Variants in STON1 observed in about 807,000 individuals in gnomAD.
STON1 encodes the protein stonin 1.
STON1 carries 79 observed loss-of-function variants against 60.9 expected under a neutral mutation model. The ratio of observed to expected loss-of-function variants is 1.30; its 90% CI spans 1.08 to 1.56. The LOEUF is 1.56. STON1 is among the 40% of genes most tolerant of loss of function. The probability of loss-of-function intolerance (pLI) is 0.00; values close to 1 mark genes in which losing one functional copy is unlikely to be tolerated. For synonymous variants in STON1, 363 were observed against 306.9 expected, an observed-to-expected ratio of 1.18 and a Z score of -1.91; for missense variants, 1,166 against 858.9, an observed-to-expected ratio of 1.36 and a Z score of -4.47.
Position 48,538,786 on chromosome 2 carries a change from TTTTA to T in STON1, c.-48+8572_-48+8575del, listed in dbSNP as rs1184774338. Among the ~76,000 whole-genome samples the T allele has an allele frequency of 4.6e-3, 682 of 148,962 alleles. 2 individuals carry two copies. The highest frequency in any genetic ancestry group is 0.016 in the African/African-American group (637 of 40,458). ...CTATTTTTTTTTTTTTTTTTTTTTT[TTTTA>T]TATTTTCTGTAGAGATGCAGTTTTG... On this transcript the variant is annotated intron_variant, in intron 1 of 3. Coordinates refer to ENST00000404752, the MANE Select transcript of STON1 (RefSeq NM_006873.4).
At chr2:48,592,517 C>T (rs908474281) in intron 3 of STON1, among the ~76,000 whole-genome samples, 13 of 151,240 alleles carry the variant, frequency 8.6e-5, no homozygotes, top group South Asian at 2.1e-4. Context: ...CTGCAACCTC[C>T]GCCTCCTGGG....
At chr2:48,543,212 T>C (rs1671729359) in intron 1 of STON1, among the ~76,000 whole-genome samples, 1 of 152,072 alleles carries the variant, frequency 6.6e-6, no homozygotes, top group Non-Finnish European at 1.5e-5. Flanking sequence ...TGACGTCAGG[T>C]GATCCGCCTG....
At chr2:48,583,134 G>A (rs748239674) in intron 2 of STON1, among the ~76,000 whole-genome samples, 10 of 152,158 alleles carry the variant, frequency 6.6e-5, no homozygotes, top group Non-Finnish European at 1.3e-4. Flanking sequence ...TGTCATCCAG[G>A]CTGGAGTGCA....
intron 2 of STON1, among the ~76,000 whole-genome samples, chr2:48,589,288 G>C (rs1461448047): frequency 6.6e-6 from 1 of 152,150 alleles, no homozygotes. Context: ...CTAGACCTAA[G>C]ATTTTGTGAT....
chr2:48,539,658 C>T (rs989430028), intron 1 of STON1, among the ~76,000 whole-genome samples: 2 of 152,052 alleles, frequency 1.3e-5, no homozygotes, highest in Non-Finnish European at 2.9e-5. Flanking sequence ...CATGCCAGCA[C>T]ACCAGGCTAA....
chr2:48,530,258 A>T (rs999630276), intron 1 of STON1, 42 bp downstream of exon 1: 2 of 346,742 alleles, frequency 5.8e-6, no homozygotes, highest in Non-Finnish European at 1.1e-5. Context: ...GAGGCCTGGG[A>T]CCCCCCCTCT....
In STON1 at chr2:48,581,314, C is replaced by A; in HGVS notation, c.681C>A (p.Asn227Lys). 1.3e-6 allele frequency: 2 copies of A among 1,530,024 alleles called. No homozygotes were observed. The highest frequency in any genetic ancestry group is 1.3e-5 in the South Asian group (1 of 75,660). The allele number at this position is 1,530,024 out of a possible 1,614,324, so 94.8% of individuals were successfully genotyped here. A position where few individuals can be genotyped will look rare whatever the true frequency, so the allele number is the denominator to read the frequency against. ...DQKSLNKCSL[N>K]YICEKLEHLQ... ...AAAGCCTAAATAAGTGTTCACTCAA[C>A]TATATCTGTGAGAAGCTTGAACATC... The change falls in exon 2 of 4, where the codon AAC (asparagine) becomes AAA (lysine). Residue 227 changes from asparagine to lysine, a missense_variant. Physicochemically the swap from Asn to Lys is moderately conservative, Grantham distance 94. Transcript: ENST00000404752.
chr2:48,565,015 G>C (rs946445044), intron 1 of STON1, among the ~76,000 whole-genome samples: 14 of 142,930 alleles, frequency 9.8e-5, no homozygotes, highest in Non-Finnish European at 1.7e-4. Flanking sequence ...TTACAGACGT[G>C]AGCCACTGTC....
intron 1 of STON1, among the ~76,000 whole-genome samples, chr2:48,558,735 T>G (rs981853462): frequency 2.0e-4 from 30 of 152,234 alleles, no homozygotes; most frequent in Non-Finnish European, 4.1e-4. Flanking sequence ...CTCAAGCAGA[T>G]GTCCCTTCCC....
intron 1 of STON1, among the ~76,000 whole-genome samples, chr2:48,555,273 G>A (rs1672277113): frequency 9.6e-6 from 1 of 103,682 alleles, no homozygotes; most frequent in African/African-American, 3.6e-5. Context: ...TGGCTGGGCA[G>A]AGGCGCCCCT....
At chr2:48,589,497 TG>T (rs1406081384) in intron 2 of STON1, among the ~76,000 whole-genome samples, 2 of 152,206 alleles carry the variant, frequency 1.3e-5, no homozygotes, top group African/African-American at 4.8e-5. Flanking sequence ...CCTGTCCCTG[TG>T]GGGCAGAAAG....
At chr2:48,558,366 T>C (rs1282717480) in intron 1 of STON1, among the ~76,000 whole-genome samples, 3 of 152,246 alleles carry the variant, frequency 2.0e-5, no homozygotes, top group African/African-American at 7.2e-5. Context: ...TTATCTGTAA[T>C]TCAGCAGTAC....
intron 1 of STON1, among the ~76,000 whole-genome samples, chr2:48,550,546 A>G (rs1672059275): frequency 6.7e-6 from 1 of 148,750 alleles, no homozygotes; most frequent in Admixed American, 6.7e-5. Flanking sequence ...GTTTCTTATG[A>G]GGATATATAT....
At chr2:48,579,723 C>G (rs1673758958) in intron 1 of STON1, among the ~76,000 whole-genome samples, 1 of 152,056 alleles carries the variant, frequency 6.6e-6, no homozygotes, top group Admixed American at 6.6e-5. Context: ...ATATGTATGG[C>G]AGTTTAGTTG....
chr2:48,588,643 C>T (rs1458588281), intron 2 of STON1, among the ~76,000 whole-genome samples: 2 of 152,148 alleles, frequency 1.3e-5, no homozygotes, highest in South Asian at 2.1e-4. Context: ...AGCTACCTAC[C>T]GCACCTGGCA....
chr2:48,582,431 C>G lies in STON1; in HGVS notation c.1798C>G (p.Arg600Gly). The G allele has an allele frequency of 7.4e-6, 12 of 1,614,140 alleles. No individual in the cohort carries two copies. Among genetic ancestry groups the G allele is most frequent in the East Asian group, 2.2e-5 (1 of 44,870 alleles). ...QKSLKAKMNR[R>G]ACLGSLQELE... Reference sequence around the variant, plus strand: ...GTCTCTGAAAGCTAAAATGAACCGCCGAGCATGTCTGGGGAGTTTACAGGA... The same window carrying G: ...GTCTCTGAAAGCTAAAATGAACCGCGGAGCATGTCTGGGGAGTTTACAGGA... The change falls in exon 2 of 4, where the codon CGA becomes GGA. Residue 600 changes from arginine to glycine, a missense_variant. By Grantham distance (125) the Arg-to-Gly change is moderately radical. Coordinates refer to ENST00000404752, the MANE Select transcript of STON1 (RefSeq NM_006873.4).
In STON1 at chr2:48,581,223, C is replaced by A. The variant is rs542933253; in HGVS notation, c.590C>A (p.Thr197Asn). The change falls in exon 2 of 4, where the codon ACC becomes AAC. Residue 197 changes from threonine (T) to asparagine (N), a missense_variant. Thr to Asn is a moderately conservative substitution (Grantham distance 65). Coordinates refer to ENST00000404752, the MANE Select transcript of STON1 (RefSeq NM_006873.4). ...GATGAAGGCAGTGATTCCCATTTCA[C>A]CCTTGACCCACCAGGAAGCAAAAAG... Reference protein sequence around the residue: ...WKDEGSDSHFTLDPPGSKKMF... With the variant: ...WKDEGSDSHFNLDPPGSKKMF... 5 of 1,520,136 alleles carry A rather than the reference C, an allele frequency of 3.3e-6. No individual in the cohort carries two copies. The highest frequency in any genetic ancestry group is 4.4e-6 in the Non-Finnish European group (5 of 1,140,446). 94.2% of individuals were successfully genotyped at this position (1,520,136 alleles called of 1,614,324 possible). A position where few individuals can be genotyped will look rare whatever the true frequency, so the allele number is the denominator to read the frequency against.
chr2:48,550,047 G>C (rs1186416315), intron 1 of STON1, among the ~76,000 whole-genome samples: 1 of 151,842 alleles, frequency 6.6e-6, no homozygotes, highest in Non-Finnish European at 1.5e-5. Context: ...TGGGCAGTGA[G>C]GTGACTTCTG....
intron 1 of STON1, among the ~76,000 whole-genome samples, chr2:48,564,423 T>G (rs113437839): frequency 1.3e-4 from 5 of 39,762 alleles, no homozygotes; most frequent in African/African-American, 4.5e-4. Flanking sequence ...CTTCTTCTTC[T>G]TCTTCTTCTT....
Sources: gnomAD v4.1 joint callset for allele counts (sites outside exome capture counted in the v4.1 genomes callset) on GRCh38, gnomAD v4.1.1 for gene constraint, MANE v1.5 for transcripts, NCBI Gene and HGNC (gene_info 2026-07-23, HGNC 2026-07-21) for gene names.